GJB7: variants seen among roughly 807,000 people sequenced by gnomAD.
GJB7 encodes gap junction protein beta 7.
For missense variants in GJB7, 253 were observed against 256.8 expected, an observed-to-expected ratio of 0.99 and a Z score of 0.10; for synonymous variants, 87 against 95.2, an observed-to-expected ratio of 0.91 and a Z score of 0.50.
rs571673672 is a variant in GJB7, at chr6:87,284,869, T to A, written c.44A>T (p.Lys15Ile). 3.7e-6 allele frequency: 6 copies of A among 1,613,754 alleles called. No individual in the cohort carries two copies. The Admixed American group carries it at 5.0e-5, about 13-fold the overall frequency. ...FLRDLLSGVN[K>I]YSTGTGWIWL... ...AATCCATCCAGTCCCAGTGGAGTATTTATTTACTCCACTCAGGAGATCTCT... is the reference window on the plus strand; with the variant it reads ...AATCCATCCAGTCCCAGTGGAGTATATATTTACTCCACTCAGGAGATCTCT... The change falls in exon 3 of 3, where the codon AAA (lysine) becomes ATA (isoleucine). Residue 15 changes from lysine (K) to isoleucine (I), a missense_variant. By Grantham distance (102) the Lys-to-Ile change is moderately radical. Coordinates refer to ENST00000525899, the MANE Select transcript of GJB7 (RefSeq NM_198568.3).
chr6:87,318,118 T>TG (rs1562216686), intron 2 of GJB7, among the ~76,000 whole-genome samples: 1 of 99,690 alleles, frequency 1.0e-5, no homozygotes, highest in Non-Finnish European at 2.4e-5. Flanking sequence ...TTCCCCATTC[T>TG]ATTTTTTTTT....
Position 87,284,743 on chromosome 6 carries a change from T to C in GJB7, c.170A>G (p.Gln57Arg), listed in dbSNP as rs1343805036. 1.9e-6 allele frequency: 3 copies of C among 1,614,066 alleles called. No homozygotes were observed. In the African/African-American group the frequency reaches 4.0e-5, roughly 22 times the overall value. ...AAAACACACATTTTTGCAACCGGGC[T>C]GTCTACTGTTGCACTCAAACTCTTT... ...EQKEFECNSR[Q>R]PGCKNVCFDD... The change falls in exon 3 of 3, where the codon CAG (glutamine) becomes CGG (arginine). Residue 57 changes from glutamine (Q) to arginine (R), a missense_variant. Physicochemically the swap from Gln to Arg is conservative, Grantham distance 43. Transcript: ENST00000525899.
intron 2 of GJB7, among the ~76,000 whole-genome samples, chr6:87,302,288 T>C (rs572913005): frequency 6.6e-6 from 1 of 152,184 alleles, no homozygotes; most frequent in East Asian, 1.9e-4. Context: ...GAAAAAAAAT[T>C]AGATGAATGG....
chr6:87,328,386 T>A (rs1353349368), intron 1 of GJB7, among the ~76,000 whole-genome samples: 1 of 152,100 alleles, frequency 6.6e-6, no homozygotes, highest in Admixed American at 6.5e-5. Flanking sequence ...TGTGGTTTTA[T>A]CTACTTTTTG....
At chr6:87,288,401 G>A (rs1776100998) in intron 2 of GJB7, among the ~76,000 whole-genome samples, 1 of 152,228 alleles carries the variant, frequency 6.6e-6, no homozygotes, top group African/African-American at 2.4e-5. Context: ...CCAATTAACG[G>A]ACATCTGGAA....
chr6:87,299,328 T>C, intron 2 of GJB7: 1 of 472,412 alleles, frequency 2.1e-6, no homozygotes, highest in Non-Finnish European at 4.2e-6. Flanking sequence ...CAAATAAATT[T>C]GGAAGAAAGG....
chr6:87,294,580 T>TTTCTGA (rs1247778497), intron 2 of GJB7, among the ~76,000 whole-genome samples: 1 of 152,194 alleles, frequency 6.6e-6, no homozygotes, highest in Non-Finnish European at 1.5e-5. Context: ...CTCAGCAGTA[T>TTTCTGA]CCCTCCCAAG....
intron 2 of GJB7, among the ~76,000 whole-genome samples, chr6:87,286,807 G>C (rs890743688): frequency 2.6e-5 from 4 of 152,150 alleles, no homozygotes; most frequent in African/African-American, 9.7e-5. Context: ...TTATGATGGT[G>C]GTGGTTTTAT....
chr6:87,323,963 A>G, intron 1 of GJB7, among the ~76,000 whole-genome samples: 1 of 151,194 alleles, frequency 6.6e-6, no homozygotes, highest in Non-Finnish European at 1.5e-5. Context: ...AATGATTGCC[A>G]TTCTAACTGC....
Position 87,290,723 on chromosome 6 carries a change from T to C in GJB7, c.-27-5784A>G, listed in dbSNP as rs542412385. Among the ~76,000 whole-genome samples the C allele has an allele frequency of 4.6e-5, 7 of 152,298 alleles. No homozygotes were observed. The East Asian group carries it at 1.3e-3, about 29-fold the overall frequency. On this transcript the variant is annotated intron_variant, in intron 2 of 2. Coordinates refer to ENST00000525899, the MANE Select transcript of GJB7 (RefSeq NM_198568.3). ...AGGCCCAATCCAGTCCACCACCTGT[T>C]TTGTAAATAACACTTTTTGAGACTC... is the stretch of plus-strand genomic sequence containing the variant.
At position 87,284,290 on chromosome 6, in the gene GJB7, T is replaced by C; in HGVS notation, c.623A>G (p.Lys208Arg). The C allele has an allele frequency of 6.2e-7, 1 of 1,613,992 alleles. No homozygotes were observed. Reference sequence around the variant, plus strand: ...TTTTAAATATTTTTGGAGACAGCACTTAATAAAGCACTTGAGAACCAAAAA... The same window carrying C: ...TTTTAAATATTTTTGGAGACAGCACCTAATAAAGCACTTGAGAACCAAAAA... ...LSFLVLKCFI[K>R]CCLQKYLKKP... The change falls in exon 3 of 3, where the codon AAG becomes AGG. Residue 208 changes from lysine to arginine, a missense_variant. Physicochemically the swap from Lys to Arg is conservative, Grantham distance 26. Coordinates refer to ENST00000525899, the MANE Select transcript of GJB7 (RefSeq NM_198568.3).
intron 2 of GJB7, among the ~76,000 whole-genome samples, chr6:87,289,191 TC>T (rs1298927148): frequency 3.3e-5 from 5 of 152,176 alleles, no homozygotes; most frequent in Non-Finnish European, 5.9e-5. Flanking sequence ...AATACTCTGG[TC>T]CCCTTAACCT....
At chr6:87,318,729 A>AT (rs1387261050) in intron 2 of GJB7, among the ~76,000 whole-genome samples, 7 of 152,120 alleles carry the variant, frequency 4.6e-5, no homozygotes, top group Admixed American at 3.3e-4. Flanking sequence ...AATTAGGAAG[A>AT]TTTTTTCAAA....
intron 2 of GJB7, among the ~76,000 whole-genome samples, chr6:87,295,085 C>G (rs1017598467): frequency 6.6e-6 from 1 of 151,760 alleles, no homozygotes; most frequent in Admixed American, 6.6e-5. Flanking sequence ...GTAAGCAACA[C>G]TGACCTTTGG....
chr6:87,328,335 T>G (rs1327807040), intron 1 of GJB7, among the ~76,000 whole-genome samples: 1 of 152,186 alleles, frequency 6.6e-6, no homozygotes, highest in Admixed American at 6.5e-5. Flanking sequence ...ACTCTGCTTT[T>G]TAGAGTTTCC....
At chr6:87,328,787 G>A (rs946029675) in intron 1 of GJB7, among the ~76,000 whole-genome samples, 5 of 152,190 alleles carry the variant, frequency 3.3e-5, no homozygotes, top group African/African-American at 7.2e-5. Context: ...CACCCAGTTC[G>A]AGCTTCCCAG....
intron 2 of GJB7, among the ~76,000 whole-genome samples, chr6:87,297,433 A>G (rs960112785): frequency 6.6e-6 from 1 of 152,260 alleles, no homozygotes; most frequent in African/African-American, 2.4e-5. Context: ...TAGTCTGTGG[A>G]AAAATCTTCC....
intron 2 of GJB7, among the ~76,000 whole-genome samples, chr6:87,314,890 C>A (rs116078164): frequency 4.8e-4 from 73 of 152,248 alleles, no homozygotes; most frequent in African/African-American, 1.7e-3. Context: ...AACTGACATT[C>A]TAATGGAGAA....
chr6:87,311,699 C>T (rs1029600411), intron 2 of GJB7, among the ~76,000 whole-genome samples: 3 of 152,152 alleles, frequency 2.0e-5, no homozygotes, highest in African/African-American at 7.2e-5. Flanking sequence ...GAGCTGTTTA[C>T]CTCAGTAAGC....
Sources: allele counts gnomAD v4.1 joint callset (sites outside exome capture counted in the v4.1 genomes callset), GRCh38; gene constraint gnomAD v4.1.1; transcripts MANE v1.5; gene names NCBI Gene and HGNC (gene_info 2026-07-23, HGNC 2026-07-21).